Variants in RUNDC3B observed in about 807,000 individuals in gnomAD.
RUNDC3B encodes RUN domain-containing protein 3B.
RUNDC3B carries 33 observed loss-of-function variants against 58.4 expected under a neutral mutation model. That is an observed-to-expected ratio of 0.56 (90% CI 0.43 to 0.75). The LOEUF (loss-of-function observed/expected upper bound fraction) is 0.75, where lower values mean the gene tolerates loss of function less well. Ranked by LOEUF, RUNDC3B falls within the 30% of genes least tolerant of loss-of-function variation. The pLI is 0.00. For missense variants in RUNDC3B, 501 were observed against 535.7 expected (o/e 0.94, Z 0.64); for synonymous variants, 193 against 195.2 (o/e 0.99, Z 0.10).
At chr7:87,758,976 A>G (rs1833530688) in intron 6 of RUNDC3B, among the ~76,000 whole-genome samples, 1 of 152,164 alleles carries the variant, frequency 6.6e-6, no homozygotes, top group African/African-American at 2.4e-5. Context: ...TTCCACTGCT[A>G]GGTATATATC....
intron 8 of RUNDC3B, among the ~76,000 whole-genome samples, chr7:87,788,550 G>A (rs1442967244): frequency 1.3e-5 from 2 of 151,702 alleles, no homozygotes; most frequent in Non-Finnish European, 2.9e-5. Flanking sequence ...ACTTTAGTTG[G>A]CTCCAGTAAC....
At chr7:87,677,088 A>G (rs1234929424) in intron 2 of RUNDC3B, among the ~76,000 whole-genome samples, 1 of 152,174 alleles carries the variant, frequency 6.6e-6, no homozygotes. Context: ...AAAAATTACA[A>G]GTAGAACTGC....
intron 1 of RUNDC3B, among the ~76,000 whole-genome samples, chr7:87,638,345 TTGTGTGTGTGTGTGTGTG>T (rs71524692): frequency 6.9e-6 from 1 of 144,696 alleles, no homozygotes; most frequent in East Asian, 2.0e-4. Context: ...AAGTATGTGT[TTGTGTGTGTGTGTGTGTG>T]TGTGTGTGTG....
chr7:87,726,699 G>T (rs1308606394), intron 4 of RUNDC3B, among the ~76,000 whole-genome samples: 1 of 151,598 alleles, frequency 6.6e-6, no homozygotes, highest in African/African-American at 2.4e-5. Context: ...GCCATTTTCA[G>T]GATATTGATT....
intron 4 of RUNDC3B, among the ~76,000 whole-genome samples, chr7:87,714,297 C>G (rs971382621): frequency 1.3e-5 from 2 of 152,010 alleles, no homozygotes; most frequent in African/African-American, 4.8e-5. Flanking sequence ...TCTGGTCCCA[C>G]GGTGCCAACA....
At chr7:87,752,185 T>A (rs1318062747) in intron 6 of RUNDC3B, among the ~76,000 whole-genome samples, 1 of 152,230 alleles carries the variant, frequency 6.6e-6, no homozygotes, top group South Asian at 2.1e-4. Context: ...ATTTATTGAT[T>A]TGTGTATATG....
chr7:87,748,389 C>T (rs565862206), intron 6 of RUNDC3B, among the ~76,000 whole-genome samples: 5 of 152,282 alleles, frequency 3.3e-5, no homozygotes, highest in African/African-American at 1.2e-4. Flanking sequence ...GTCTGTGGGT[C>T]CTCTCGGGAT....
intron 2 of RUNDC3B, among the ~76,000 whole-genome samples, chr7:87,693,670 C>A (rs545243307): frequency 6.6e-6 from 1 of 152,156 alleles, no homozygotes; most frequent in Non-Finnish European, 1.5e-5. Context: ...ATATTTTTGA[C>A]TTACAGACAC....
At chr7:87,667,230 T>A (rs1825347600) in intron 2 of RUNDC3B, among the ~76,000 whole-genome samples, 1 of 152,076 alleles carries the variant, frequency 6.6e-6, no homozygotes, top group African/African-American at 2.4e-5. Context: ...TGCTATGAAG[T>A]TTATTCTTTT....
chr7:87,767,501 G>C (rs920050978), intron 6 of RUNDC3B, among the ~76,000 whole-genome samples: 1 of 152,150 alleles, frequency 6.6e-6, no homozygotes, highest in Non-Finnish European at 1.5e-5. Flanking sequence ...GCTACTTGTC[G>C]TAGCAATGTA....
chr7:87,780,596 T>C (rs1360917906), intron 8 of RUNDC3B, among the ~76,000 whole-genome samples: 1 of 152,202 alleles, frequency 6.6e-6, no homozygotes, highest in Non-Finnish European at 1.5e-5. Context: ...GTAGAAGCTC[T>C]TTAGTTTAAT....
intron 1 of RUNDC3B, among the ~76,000 whole-genome samples, chr7:87,647,865 G>A (rs1354500664): frequency 2.0e-5 from 3 of 152,064 alleles, no homozygotes; most frequent in African/African-American, 7.2e-5. Context: ...TGGCCAACTT[G>A]CAGAGATGAA....
intron 2 of RUNDC3B, among the ~76,000 whole-genome samples, chr7:87,698,451 A>G (rs1482386750): frequency 6.6e-6 from 1 of 152,216 alleles, no homozygotes; most frequent in Non-Finnish European, 1.5e-5. Context: ...AAAGATTTAT[A>G]GATGCATTTG....
intron 7 of RUNDC3B, 77 bp from the exon 8 acceptor site, chr7:87,777,721 A>T: frequency 1.8e-6 from 2 of 1,132,490 alleles, no homozygotes; most frequent in Non-Finnish European, 2.6e-6. Context: ...AATAGCATTT[A>T]AGCTACTCAG....
intron 1 of RUNDC3B, among the ~76,000 whole-genome samples, chr7:87,644,657 A>T (rs933370986): frequency 6.6e-6 from 1 of 151,858 alleles, no homozygotes; most frequent in South Asian, 2.1e-4. Flanking sequence ...TTATTTGAAC[A>T]TTTTTTTTCC....
chr7:87,763,107 T>A (rs576200948), intron 6 of RUNDC3B, among the ~76,000 whole-genome samples: 14 of 151,720 alleles, frequency 9.2e-5, no homozygotes, highest in Admixed American at 9.2e-4. Context: ...TCTTCTATGA[T>A]ACCCCATTAA....
chr7:87,785,517 G>A lies in RUNDC3B; in HGVS notation c.956+7562G>A, dbSNP rs771396491. On this transcript the variant is annotated intron_variant, in intron 8 of 10. Transcript: ENST00000394654. Reference sequence around the variant, plus strand: ...TAGGGTTGAACACCAGCTGTGCTGGGGAAGCTAAACTGCTCCCAGGTCACT... The same window carrying A: ...TAGGGTTGAACACCAGCTGTGCTGGAGAAGCTAAACTGCTCCCAGGTCACT... 2.3e-4 allele frequency among the ~76,000 whole-genome samples: 35 copies of A among 152,196 alleles called. 1 individual carries two copies. The highest frequency in any genetic ancestry group is 4.0e-4 in the Non-Finnish European group (27 of 68,044).
chr7:87,741,629 T>C (rs1043284936), intron 6 of RUNDC3B, 50 bp downstream of exon 6: 10 of 1,059,644 alleles, frequency 9.4e-6, no homozygotes, highest in Non-Finnish European at 1.4e-5. Flanking sequence ...TAAAATTGAA[T>C]GTCTTGTGCA....
chr7:87,816,229 G>A lies in RUNDC3B; in HGVS notation c.1192G>A (p.Gly398Arg), dbSNP rs776708752. The A allele has an allele frequency of 1.2e-6, 2 of 1,611,204 alleles. No individual in the cohort carries two copies. The highest frequency in any genetic ancestry group is 1.7e-6 in the Non-Finnish European group (2 of 1,177,956). The change falls in exon 10 of 11, where the codon GGA (glycine) becomes AGA (arginine). Residue 398 changes from glycine (G) to arginine (R), a missense_variant. By Grantham distance (125) the Gly-to-Arg change is moderately radical. Coordinates refer to ENST00000394654, the MANE Select transcript of RUNDC3B (RefSeq NM_001134405.2). Reference protein sequence around the residue: ...LDPGQSQEGDGKQDTLNVMSE... With the variant: ...LDPGQSQEGDRKQDTLNVMSE... ...TCCAGGCCAGTCACAAGAAGGAGATGGAAAACAAGACACATTAAATGTAAT... is the reference window on the plus strand; with the variant it reads ...TCCAGGCCAGTCACAAGAAGGAGATAGAAAACAAGACACATTAAATGTAAT...
Sources: gnomAD v4.1 joint callset for allele counts (sites outside exome capture counted in the v4.1 genomes callset) on GRCh38, gnomAD v4.1.1 for gene constraint, MANE v1.5 for transcripts, NCBI Gene and HGNC (gene_info 2026-07-23, HGNC 2026-07-21) for gene names.